DSG1: variants seen among roughly 807,000 people sequenced by gnomAD.
The protein encoded by DSG1 is desmoglein-1.
A neutral mutation model predicts 97.5 loss-of-function variants in DSG1; 39 were observed. The ratio of observed to expected loss-of-function variants is 0.40; its 90% CI spans 0.31 to 0.52. The LOEUF is 0.52. Among genes scored for constraint, DSG1 ranks in the 20% least tolerant of loss-of-function variants. DSG1 has a pLI of 0.53. For missense variants in DSG1, 1,311 were observed against 1,295.4 expected (o/e 1.01, Z -0.18); for synonymous variants, 475 against 443.4 (o/e 1.07, Z -0.90).
At chr18:31,343,683 T>G in intron 12 of DSG1, 100 bp downstream of exon 12, 2 of 1,556,382 alleles carry the variant, frequency 1.3e-6, no homozygotes, top group Non-Finnish European at 1.8e-6. Flanking sequence ...CTATGCTGTT[T>G]TTTGTGCTGA....
At chr18:31,329,353 T>C (rs1198706623) in intron 4 of DSG1, among the ~76,000 whole-genome samples, 1 of 152,060 alleles carries the variant, frequency 6.6e-6, no homozygotes, top group Admixed American at 6.6e-5. Flanking sequence ...CTTCAAATAA[T>C]AATCGATATT....
chr18:31,323,076 T>C (rs2071663708), intron 1 of DSG1, among the ~76,000 whole-genome samples: 1 of 152,160 alleles, frequency 6.6e-6, no homozygotes, highest in Non-Finnish European at 1.5e-5. Flanking sequence ...TAGAGGGGAC[T>C]TTTAGTCTCA....
chr18:31,354,278 C>T lies in DSG1; in HGVS notation c.2101-19C>T, dbSNP rs1361350560. ...ATATGCATTCATAATTTCATTTTCT[C>T]TTTCTCCTATAAATTCAGAAAGCAT... On this transcript the variant is annotated intron_variant, in intron 14 of 14. Coordinates refer to ENST00000257192, the MANE Select transcript of DSG1 (RefSeq NM_001942.4). The T allele has an allele frequency of 1.9e-6, 3 of 1,607,720 alleles. No homozygotes were observed. The highest frequency in any genetic ancestry group is 2.6e-6 in the Non-Finnish European group (3 of 1,174,196).
chr18:31,339,653 T>C, intron 10 of DSG1, 91 bp from the exon 11 acceptor site: 1 of 1,002,014 alleles, frequency 1.0e-6, no homozygotes, highest in Non-Finnish European at 1.5e-6. Context: ...GACACTGAAA[T>C]AAATGTTAAT....
At chr18:31,321,516 C>A (rs78261659) in intron 1 of DSG1, among the ~76,000 whole-genome samples, 2,295 of 152,268 alleles carry the variant, frequency 0.015, 58 homozygotes, top group African/African-American at 0.052. Context: ...CAAGTGTCAT[C>A]ATTAACAGTT....
At chr18:31,343,811 TA>T in intron 12 of DSG1, 114 bp from the exon 13 acceptor site, 1 of 1,160,750 alleles carries the variant, frequency 8.6e-7, no homozygotes, top group South Asian at 1.4e-5. Context: ...ATTTCCTAAA[TA>T]GTATTTTTTT....
chr18:31,327,540 C>T (rs896017134), intron 3 of DSG1, among the ~76,000 whole-genome samples: 1 of 152,126 alleles, frequency 6.6e-6, no homozygotes, highest in Non-Finnish European at 1.5e-5. Flanking sequence ...TATACACATT[C>T]ATCCACACAG....
At chr18:31,333,867 A>T in intron 7 of DSG1, 144 bp downstream of exon 7, 1 of 1,190,286 alleles carries the variant, frequency 8.4e-7, no homozygotes, top group East Asian at 2.4e-5. Context: ...GTGTTTATGC[A>T]AGAATAAATG....
At chr18:31,322,759 C>T (rs2071661957) in intron 1 of DSG1, among the ~76,000 whole-genome samples, 1 of 152,110 alleles carries the variant, frequency 6.6e-6, no homozygotes, top group African/African-American at 2.4e-5. Flanking sequence ...GAATTCAACG[C>T]TTAGCAAAAA....
intron 1 of DSG1, among the ~76,000 whole-genome samples, chr18:31,324,451 A>G (rs1432571587): frequency 2.0e-5 from 3 of 152,020 alleles, no homozygotes; most frequent in Non-Finnish European, 2.9e-5. Context: ...GAGCAGATCT[A>G]CCTCAAATCT....
chr18:31,328,455 TG>T (rs1333820827), intron 4 of DSG1, 111 bp downstream of exon 4: 1 of 1,145,926 alleles, frequency 8.7e-7, no homozygotes, highest in Non-Finnish European at 1.3e-6. Flanking sequence ...TTGGCATTTT[TG>T]GTTGTTTCTT....
At chr18:31,334,806 C>T (rs961607642) in intron 8 of DSG1, among the ~76,000 whole-genome samples, 3 of 152,054 alleles carry the variant, frequency 2.0e-5, no homozygotes, top group Admixed American at 6.6e-5. Flanking sequence ...TTATGTCCTC[C>T]CCATATTAAT....
At position 31,354,532 on chromosome 18, in the gene DSG1, G is replaced by C. The variant is rs774017756; in HGVS notation, c.2336G>C (p.Ser779Thr). ...PDLDPSWPPQ[S>T]TEPVCLPQET... is the part of the protein sequence containing the mutation. ...CTTGATCCTTCTTGGCCACCACAAA[G>C]CACTGAACCAGTTTGCCTTCCTCAG... The change falls in exon 15 of 15, where the codon AGC (serine) becomes ACC (threonine). Residue 779 changes from serine to threonine, a missense_variant. Ser to Thr is a moderately conservative substitution (Grantham distance 58, BLOSUM62 1). Coordinates refer to ENST00000257192, the MANE Select transcript of DSG1 (RefSeq NM_001942.4). 3.0e-5 allele frequency: 49 copies of C among 1,614,006 alleles called. No homozygotes were observed. In the Middle Eastern group the frequency reaches 1.8e-3, roughly 60 times the overall value.
intron 4 of DSG1, 46 bp from the exon 5 acceptor site, chr18:31,329,846 A>C (rs749913445): frequency 6.2e-7 from 1 of 1,605,180 alleles, no homozygotes; most frequent in Non-Finnish European, 8.5e-7. Flanking sequence ...TAAGAACTTA[A>C]TAAATCTGTG....
At chr18:31,340,483 C>T (rs113591176) in intron 11 of DSG1, among the ~76,000 whole-genome samples, 1,596 of 151,362 alleles carry the variant, frequency 0.011, 40 homozygotes, top group African/African-American at 0.037. Flanking sequence ...TGGTAGGTGC[C>T]TCTAATCCCA....
rs945381648 is a variant in DSG1, at chr18:31,358,266, C to T, written c.*2920C>T. Among the ~76,000 whole-genome samples the T allele has an allele frequency of 6.6e-6, 1 of 151,880 alleles. No homozygotes were observed. Among genetic ancestry groups the T allele is most frequent in the Non-Finnish European group, 1.5e-5 (1 of 67,848 alleles). On this transcript the variant is annotated 3_prime_UTR_variant, in exon 15 of 15. Transcript: ENST00000257192. ...TTATAAATACTTTACCATTTAATAT[C>T]AACCAAAATACCATCTCAAGCTAAT...
At chr18:31,347,763 C>G (rs1310619444) in intron 14 of DSG1, 1 of 152,114 alleles carries the variant, frequency 6.6e-6, no homozygotes, top group Non-Finnish European at 1.5e-5. Flanking sequence ...TTTCCTGTTG[C>G]TGTGCTGAAA....
rs958254614 is a variant in DSG1, at chr18:31,329,821, G to A, written c.373-71G>A. 4 of 1,552,020 alleles carry A rather than the reference G, an allele frequency of 2.6e-6. No individual in the cohort carries two copies. In the Admixed American group the frequency reaches 5.0e-5, roughly 19 times the overall value. On this transcript the variant is annotated intron_variant, in intron 4 of 14. Transcript: ENST00000257192. ...ATTCTTTTAATTCGCCACAGTGCTA[G>A]CATAATGCTCAAAGTAAGAACTTAA...
chr18:31,333,531 A>C, intron 6 of DSG1, 58 bp from the exon 7 acceptor site: 1 of 1,610,708 alleles, frequency 6.2e-7, no homozygotes, highest in South Asian at 1.1e-5. Flanking sequence ...ACTTTACATA[A>C]GACAAAGTAA....
Sources: gnomAD v4.1 joint callset for allele counts (sites outside exome capture counted in the v4.1 genomes callset) on GRCh38, gnomAD v4.1.1 for gene constraint, MANE v1.5 for transcripts, NCBI Gene and HGNC (gene_info 2026-07-23, HGNC 2026-07-21) for gene names.